Variants in NUP107 observed in about 807,000 individuals in gnomAD.
NUP107 encodes nuclear pore complex protein Nup107.
Under a neutral mutation model 141.0 loss-of-function variants are expected in NUP107, and 101 were observed. That is an observed-to-expected ratio of 0.72 (90% CI 0.61 to 0.84). NUP107 has a LOEUF of 0.84. Ranked by LOEUF, NUP107 falls within the 40% of genes least tolerant of loss-of-function variation. The probability of loss-of-function intolerance (pLI) is 0.00; values close to 1 mark genes in which losing one functional copy is unlikely to be tolerated. For missense variants in NUP107, 941 were observed against 1,102.7 expected (o/e 0.85, Z 2.08); for synonymous variants, 319 against 363.9 (o/e 0.88, Z 1.41).
At chr12:68,708,018 G>C (rs1183843921) in intron 8 of NUP107, among the ~76,000 whole-genome samples, 1 of 151,944 alleles carries the variant, frequency 6.6e-6, no homozygotes, top group Non-Finnish European at 1.5e-5. Flanking sequence ...TTGAGCCCAG[G>C]AGGCAGAGGT....
chr12:68,702,984 C>T (rs1876407981), intron 8 of NUP107, among the ~76,000 whole-genome samples, 200 bp downstream of exon 8: 1 of 151,950 alleles, frequency 6.6e-6, no homozygotes, highest in South Asian at 2.1e-4. Flanking sequence ...GCTGGGATTA[C>T]AGGCGTGCCC....
chr12:68,692,590 CA>C (rs66730715), intron 5 of NUP107, among the ~76,000 whole-genome samples: 35,706 of 140,696 alleles, frequency 0.25, 4,865 homozygotes, highest in Non-Finnish European at 0.33. Flanking sequence ...AAAAAAAAAA[CA>C]AAAAAAAAAA....
At chr12:68,694,354 A>G (rs571036021) in intron 5 of NUP107, among the ~76,000 whole-genome samples, 35 of 152,336 alleles carry the variant, frequency 2.3e-4, no homozygotes, top group African/African-American at 8.4e-4. Context: ...TTGTTTATAA[A>G]ATAACTAGTA....
intron 26 of NUP107, among the ~76,000 whole-genome samples, chr12:68,739,047 T>C (rs1298282935): frequency 6.6e-6 from 1 of 152,146 alleles, no homozygotes; most frequent in Non-Finnish European, 1.5e-5. Flanking sequence ...GGCCTCTTCA[T>C]TGGTTCCCCT....
In NUP107 at chr12:68,742,477, T is replaced by A; in HGVS notation, c.*15T>A. ...TTCAGTTATAGTTTAATCTTTGTAA[T>A]CTCACTAATTTTCATGATAAATGAA... On this transcript the variant is annotated 3_prime_UTR_variant, in exon 28 of 28. Transcript: ENST00000229179. 2 of 1,330,346 alleles carry A rather than the reference T, an allele frequency of 1.5e-6. No homozygotes were observed. Among genetic ancestry groups the A allele is most frequent in the Non-Finnish European group, 2.1e-6 (2 of 957,422 alleles). 82.4% of individuals were successfully genotyped at this position (1,330,346 alleles called of 1,614,324 possible). A position where few individuals can be genotyped will look rare whatever the true frequency, so the allele number is the denominator to read the frequency against.
intron 8 of NUP107, among the ~76,000 whole-genome samples, chr12:68,705,258 G>C (rs1002073622): frequency 3.3e-5 from 5 of 152,078 alleles, no homozygotes; most frequent in Non-Finnish European, 5.9e-5. Flanking sequence ...AGTTTTAATA[G>C]GTTTCCTCTG....
In NUP107 at chr12:68,733,503, A is replaced by G; in HGVS notation, c.2153A>G (p.Asp718Gly). The change falls in exon 24 of 28, where the codon GAT becomes GGT. Residue 718 changes from aspartate to glycine, a missense_variant. Asp to Gly is a moderately conservative substitution (Grantham distance 94). Transcript: ENST00000229179. ...GAAGTATTTGTGAAAATTCCTCAGG[A>G]TTCTATAGCAGAAATCTATAATCAG... Reference protein sequence around the residue: ...AKEVFVKIPQDSIAEIYNQCE... With the variant: ...AKEVFVKIPQGSIAEIYNQCE... 6.2e-7 allele frequency: 1 copy of G among 1,612,734 alleles called. No individual in the cohort carries two copies. The highest frequency in any genetic ancestry group is 8.5e-7 in the Non-Finnish European group (1 of 1,179,464).
At position 68,704,734 on chromosome 12, in the gene NUP107, C is replaced by T. The variant is rs1360857580; in HGVS notation, c.729+1950C>T. On this transcript the variant is annotated intron_variant, in intron 8 of 27. Transcript: ENST00000229179. ...CCTCCCAAAGTGCTGAGATTACAGA[C>T]GTGAGCCACCGTGCCTCGCCCAAAA... 4.6e-5 allele frequency among the ~76,000 whole-genome samples: 7 copies of T among 152,120 alleles called. No homozygotes were observed. The East Asian group carries it at 5.8e-4, about 13-fold the overall frequency.
In NUP107 at chr12:68,706,334, G is replaced by C. The variant is rs963096390; in HGVS notation, c.730-2904G>C. The C allele has an allele frequency of 3.4e-4, 467 of 1,359,354 alleles. 1 individual carries two copies. Among genetic ancestry groups the C allele is most frequent in the Non-Finnish European group, 3.5e-4 (340 of 958,518 alleles). The allele number at this position is 1,359,354 out of a possible 1,614,324, so 84.2% of individuals were successfully genotyped here. Reference sequence around the variant, plus strand: ...GCAACTGTATGAAGAGGAGATCCGGGAGCTGCAGTCCCAGATCTCGGACAC... The same window carrying C: ...GCAACTGTATGAAGAGGAGATCCGGCAGCTGCAGTCCCAGATCTCGGACAC... On this transcript the variant is annotated intron_variant, in intron 8 of 27. Coordinates refer to ENST00000229179, the MANE Select transcript of NUP107 (RefSeq NM_020401.4).
At chr12:68,726,426 T>A (rs1877565169) in intron 18 of NUP107, 73 bp from the exon 19 acceptor site, 4 of 941,502 alleles carry the variant, frequency 4.2e-6, no homozygotes, top group Non-Finnish European at 6.9e-6. Context: ...GTGAAATAAA[T>A]GTTCTTGGTA....
Position 68,692,024 on chromosome 12 carries a change from G to T in NUP107, c.360G>T (p.Gly120=). ...WAAAFSSQRS[G]LFTNTEPHSI... is the part of the protein sequence containing the mutation. ...CTGCATTTTCATCACAGCGTTCCGG[G>T]CTGTTCACAAACACAGAGCCCCACA... is the stretch of plus-strand genomic sequence containing the variant. Residue 120 remains glycine, a synonymous_variant, in exon 5 of 28, where the codon GGG becomes GGT. Transcript: ENST00000229179. 1 of 1,611,536 alleles carries T rather than the reference G, an allele frequency of 6.2e-7. No individual in the cohort carries two copies.
chr12:68,710,289 G>A (rs1402619656), intron 10 of NUP107, among the ~76,000 whole-genome samples, 196 bp downstream of exon 10: 1 of 152,184 alleles, frequency 6.6e-6, no homozygotes, highest in East Asian at 1.9e-4. Flanking sequence ...TAGCTGATTT[G>A]CAAATATACA....
rs369123228 is a variant in NUP107, at chr12:68,734,735, T to A, written c.2290T>A (p.Phe764Ile). The A allele has an allele frequency of 6.2e-6, 10 of 1,612,906 alleles. No individual in the cohort carries two copies. In the African/African-American group the frequency reaches 1.3e-4, roughly 22 times the overall value. Residue 764 changes from phenylalanine to isoleucine, a missense_variant, in exon 25 of 28, where the codon TTT becomes ATT. Phe to Ile is a conservative substitution (Grantham distance 21). Transcript: ENST00000229179. ...AGCCCATGAAACCTTTAATGAGTGGTTTAAGCATATGAATTCAGTTCCACA... is the reference window on the plus strand; with the variant it reads ...AGCCCATGAAACCTTTAATGAGTGGATTAAGCATATGAATTCAGTTCCACA... ...LEAHETFNEW[F>I]KHMNSVPQKP...
In NUP107 at chr12:68,688,983, A is replaced by G; in HGVS notation, c.30A>G (p.Ser10=). MDRSGFGEI[S]SPVIREAEVT... The stretch of plus-strand genomic sequence containing the variant: ...TTAGGAGTGGCTTTGGAGAGATATC[A>G]TCCCCTGTAATCCGGGAGGCAGAGG... The change falls in exon 2 of 28, where the codon TCA becomes TCG. Residue 10 remains serine (S), a synonymous_variant. Transcript: ENST00000229179. The G allele has an allele frequency of 6.2e-7, 1 of 1,613,624 alleles. No homozygotes were observed. Among genetic ancestry groups the G allele is most frequent in the Non-Finnish European group, 8.5e-7 (1 of 1,179,654 alleles).
chr12:68,690,572 T>C, intron 3 of NUP107, 59 bp from the exon 4 acceptor site: 1 of 1,607,276 alleles, frequency 6.2e-7, no homozygotes, highest in Non-Finnish European at 8.5e-7. Flanking sequence ...TTGCTTACTT[T>C]GTTTTGATAA....
At chr12:68,694,670 C>T (rs1234638440) in intron 5 of NUP107, among the ~76,000 whole-genome samples, 2 of 152,100 alleles carry the variant, frequency 1.3e-5, no homozygotes, top group Non-Finnish European at 2.9e-5. Flanking sequence ...GGGAGGCTGA[C>T]GCGGGTGGAT....
chr12:68,741,951 G>GT lies in NUP107; in HGVS notation c.2642dup (p.Ser882IlefsTer3), dbSNP rs764167542. 5 of 1,611,386 alleles carry GT rather than the reference G, an allele frequency of 3.1e-6. No homozygotes were observed. Among genetic ancestry groups the GT allele is most frequent in the Non-Finnish European group, 4.2e-6 (5 of 1,178,544 alleles). On this transcript the variant is annotated frameshift_variant, in exon 27 of 28. Transcript: ENST00000229179. LOFTEE classifies it high-confidence loss of function. ...GGAATGCCTACAGTTAGCAGATATG[G>GT]TATCCTCTGAGCGCCACAAACTGTA...
intron 8 of NUP107, among the ~76,000 whole-genome samples, chr12:68,708,435 T>C (rs904721197): frequency 6.6e-6 from 1 of 152,208 alleles, no homozygotes; most frequent in Non-Finnish European, 1.5e-5. Flanking sequence ...ATCCTTTTAA[T>C]ATACTGCTTA....
intron 27 of NUP107, 78 bp downstream of exon 27, chr12:68,742,058 G>C: frequency 8.8e-7 from 1 of 1,141,560 alleles, no homozygotes; most frequent in Non-Finnish European, 1.2e-6. Context: ...GTGAAGATGT[G>C]TTTACATTTG....
Sources: gnomAD v4.1 joint callset for allele counts (sites outside exome capture counted in the v4.1 genomes callset) on GRCh38, gnomAD v4.1.1 for gene constraint, MANE v1.5 for transcripts, NCBI Gene and HGNC (gene_info 2026-07-23, HGNC 2026-07-21) for gene names.